The following GCSAML variants were observed in gnomAD, a reference collection of about 807,000 sequenced individuals.
The protein encoded by GCSAML is germinal center-associated signaling and motility-like protein.
A neutral mutation model predicts 13.0 loss-of-function variants in GCSAML; 9 were observed. That is an observed-to-expected ratio of 0.69 (90% CI 0.42 to 1.21). The LOEUF is 1.21. Ranked by LOEUF, GCSAML falls within the 50% of genes most tolerant of loss-of-function variation. The pLI, the probability that GCSAML is intolerant of heterozygous loss-of-function variation, is 0.00. For missense variants in GCSAML, 143 were observed against 153.4 expected (o/e 0.93, Z 0.36); for synonymous variants, 37 against 52.9 (o/e 0.70, Z 1.31).
At chr1:247,565,400 AT>A (rs1364552065) in intron 3 of GCSAML, among the ~76,000 whole-genome samples, 2 of 152,106 alleles carry the variant, frequency 1.3e-5, no homozygotes, top group East Asian at 3.9e-4. Context: ...ATTCACACGT[AT>A]GTAAATTGCT....
upstream of GCSAML, chr1:247,549,099 C>G: frequency 6.2e-7 from 1 of 1,612,960 alleles, no homozygotes; most frequent in Non-Finnish European, 8.5e-7. Context: ...GATGCAACGT[C>G]CTGCCTCATG....
intron 1 of GCSAML, chr1:247,525,370 A>G (rs147971145): frequency 9.0e-4 from 136 of 151,816 alleles, no homozygotes; most frequent in African/African-American, 3.2e-3. Flanking sequence ...TCCAATACCA[A>G]TTATAAGCCT....
intron 2 of GCSAML, chr1:247,532,638 CT>C: frequency 4.2e-6 from 4 of 952,470 alleles, no homozygotes; most frequent in Non-Finnish European, 6.1e-6. Flanking sequence ...TTATGTTATT[CT>C]TTTTTAGAGA....
chr1:247,510,023 A>G (rs1308485477), intron 1 of GCSAML, among the ~76,000 whole-genome samples: 1 of 152,200 alleles, frequency 6.6e-6, no homozygotes, highest in Non-Finnish European at 1.5e-5. Flanking sequence ...TCATAAAATG[A>G]GTTAAGGAGG....
intron 1 of GCSAML, chr1:247,524,974 T>C (rs1031801967): frequency 6.6e-6 from 1 of 152,148 alleles, no homozygotes. Flanking sequence ...CCAAATAAAA[T>C]GATACTGAGG....
At chr1:247,557,280 A>G (rs1003738094) in intron 2 of GCSAML, among the ~76,000 whole-genome samples, 3 of 152,176 alleles carry the variant, frequency 2.0e-5, no homozygotes, top group African/African-American at 7.2e-5. Context: ...CATAGACCAT[A>G]CGCACTTTAA....
chr1:247,543,187 A>G (rs897449108), intron 2 of GCSAML, among the ~76,000 whole-genome samples: 2 of 152,344 alleles, frequency 1.3e-5, no homozygotes, highest in East Asian at 1.9e-4. Flanking sequence ...ATGTCTTTCA[A>G]TTGGAAGCAT....
At chr1:247,540,322 C>T (rs949600544) in intron 2 of GCSAML, among the ~76,000 whole-genome samples, 7 of 152,232 alleles carry the variant, frequency 4.6e-5, no homozygotes, top group African/African-American at 1.2e-4. Flanking sequence ...TGAGCCACCA[C>T]GCCCAGCCAG....
At chr1:247,568,554 A>G (rs1030213248) in intron 4 of GCSAML, among the ~76,000 whole-genome samples, 87 of 152,184 alleles carry the variant, frequency 5.7e-4, no homozygotes, top group African/African-American at 2.1e-3. Context: ...TGGTAGCAGT[A>G]CCATGCTGTT....
At chr1:247,532,614 T>C in intron 2 of GCSAML, 1 of 1,107,634 alleles carries the variant, frequency 9.0e-7, no homozygotes, top group Non-Finnish European at 1.3e-6. Context: ...ATTAAAAGTG[T>C]ATTTTAGTTC....
intron 1 of GCSAML, chr1:247,525,101 A>G (rs1157805814): frequency 6.6e-6 from 1 of 152,242 alleles, no homozygotes; most frequent in Non-Finnish European, 1.5e-5. Flanking sequence ...CTGAAGGGAA[A>G]TTTAAATATG....
intron 2 of GCSAML, among the ~76,000 whole-genome samples, chr1:247,533,148 T>G (rs1318351558): frequency 6.6e-6 from 1 of 152,172 alleles, no homozygotes; most frequent in African/African-American, 2.4e-5. Flanking sequence ...CTCCTGCCAC[T>G]CTGGCCCATC....
chr1:247,520,104 C>T (rs565890216), intron 1 of GCSAML, among the ~76,000 whole-genome samples: 2 of 152,192 alleles, frequency 1.3e-5, no homozygotes, highest in East Asian at 1.9e-4. Context: ...AAAAAAGGTG[C>T]GCTTCTCTGA....
Position 247,550,602 on chromosome 1 carries a change from A to C in GCSAML, c.29+1382A>C, listed in dbSNP as rs555366980. 2.6e-5 allele frequency among the ~76,000 whole-genome samples: 4 copies of C among 151,938 alleles called. No individual in the cohort carries two copies. The South Asian group carries it at 8.3e-4, about 32-fold the overall frequency. On this transcript the variant is annotated intron_variant, in intron 1 of 4. Transcript: ENST00000366488. ...CAGTGAGCCGAGATCCCGCCACTGC[A>C]CTCCAGCCTGGGCGACAGAGCAAGA...
chr1:247,549,026 C>T, upstream of GCSAML: 1 of 1,556,780 alleles, frequency 6.4e-7, no homozygotes, highest in Non-Finnish European at 8.7e-7. Flanking sequence ...GCTCTTCCTG[C>T]CTTCTCTATC....
chr1:247,511,822 T>C (rs1666048090), intron 1 of GCSAML, among the ~76,000 whole-genome samples: 4 of 152,200 alleles, frequency 2.6e-5, no homozygotes, highest in South Asian at 2.1e-4. Context: ...TTTAAGAATG[T>C]TGAATATTGG....
chr1:247,572,675 T>C (rs942159462), intron 4 of GCSAML, among the ~76,000 whole-genome samples: 1 of 152,236 alleles, frequency 6.6e-6, no homozygotes, highest in African/African-American at 2.4e-5. Context: ...TCAGGAGGCA[T>C]GAGGGTCAGC....
Position 247,574,851 on chromosome 1 carries a change from G to T in GCSAML, c.*469G>T. 5.9e-6 allele frequency: 1 copy of T among 168,882 alleles called. No homozygotes were observed. Among genetic ancestry groups the T allele is most frequent in the East Asian group, 1.6e-4 (1 of 6,320 alleles). 10.5% of individuals were successfully genotyped at this position (168,882 alleles called of 1,614,324 possible). A position where few individuals can be genotyped will look rare whatever the true frequency, so the allele number is the denominator to read the frequency against. Reference sequence around the variant, plus strand: ...AGTGACCAGGATGAGTCATAAGACTGATGAAATAGACTGATTGTGGCAATA... The same window carrying T: ...AGTGACCAGGATGAGTCATAAGACTTATGAAATAGACTGATTGTGGCAATA... On this transcript the variant is annotated 3_prime_UTR_variant, in exon 5 of 5. Coordinates refer to ENST00000366488, the MANE Select transcript of GCSAML (RefSeq NM_145278.5).
chr1:247,535,351 T>C (rs759471952), intron 2 of GCSAML, among the ~76,000 whole-genome samples: 46 of 151,902 alleles, frequency 3.0e-4, no homozygotes, highest in Admixed American at 9.8e-4. Context: ...GGAGGTAGAG[T>C]TGAGACCTGT....
Sources: allele counts gnomAD v4.1 joint callset (sites outside exome capture counted in the v4.1 genomes callset), GRCh38; gene constraint gnomAD v4.1.1; transcripts MANE v1.5; gene names NCBI Gene and HGNC (gene_info 2026-07-23, HGNC 2026-07-21).